The following RBFOX3 variants were observed in gnomAD, a reference collection of about 807,000 sequenced individuals.
RBFOX3 encodes the protein RNA binding fox-1 homolog 3.
Under a neutral mutation model 48.7 loss-of-function variants are expected in RBFOX3, and 17 were observed. The ratio of observed to expected loss-of-function variants is 0.35; its 90% CI spans 0.24 to 0.52. The LOEUF is 0.52. RBFOX3 is among the 20% of genes least tolerant of loss of function. RBFOX3 has a pLI of 0.94. For synonymous variants in RBFOX3, 212 were observed against 209.5 expected (o/e 1.01, Z -0.10); for missense variants, 382 against 497.5 (o/e 0.77, Z 2.21).
At chr17:79,508,483 C>T (rs1366506183) in intron 1 of RBFOX3, among the ~76,000 whole-genome samples, 1 of 152,242 alleles carries the variant, frequency 6.6e-6, no homozygotes, top group Non-Finnish European at 1.5e-5. Context: ...TGTTATTCTT[C>T]TCAGTGCCTC....
At chr17:79,275,006 C>T (rs1351825153) in intron 3 of RBFOX3, among the ~76,000 whole-genome samples, 1 of 148,398 alleles carries the variant, frequency 6.7e-6, no homozygotes, top group African/African-American at 2.5e-5. Context: ...CCATCATCCA[C>T]CAGCCCCAGA....
At position 79,421,776 on chromosome 17, in the gene RBFOX3, T is replaced by C. The variant is rs1598620187; in HGVS notation, c.-175+60678A>G. On this transcript the variant is annotated intron_variant, in intron 2 of 14. Coordinates refer to ENST00000693108, the MANE Select transcript of RBFOX3 (RefSeq NM_001350451.2). This position sits in a 1 kb window ranked among gnomAD's most constrained non-coding sequence, Gnocchi z 4.5. ...GCTCTCTCCTCCTGTGGTGGGGAGGTCTCCTTGAGGCCTTGGGACAAGGGC... is the reference window on the plus strand; with the variant it reads ...GCTCTCTCCTCCTGTGGTGGGGAGGCCTCCTTGAGGCCTTGGGACAAGGGC... 6.7e-6 allele frequency among the ~76,000 whole-genome samples: 1 copy of C among 149,808 alleles called. No homozygotes were observed. The highest frequency in any genetic ancestry group is 1.5e-5 in the Non-Finnish European group (1 of 67,466).
chr17:79,239,322 C>T (rs746756529), intron 3 of RBFOX3, among the ~76,000 whole-genome samples: 6 of 152,140 alleles, frequency 3.9e-5, no homozygotes, highest in Non-Finnish European at 5.9e-5. Flanking sequence ...TCATGAAACA[C>T]GGAGCTGATT....
intron 4 of RBFOX3, among the ~76,000 whole-genome samples, chr17:79,203,088 C>T: frequency 6.6e-6 from 1 of 151,842 alleles, no homozygotes. Context: ...TTGGGGGCTC[C>T]CAAGCTAAGG....
chr17:79,344,609 C>T lies in RBFOX3; in HGVS notation c.-174-36785G>A, dbSNP rs150062839. 1.8e-3 allele frequency among the ~76,000 whole-genome samples: 271 copies of T among 152,088 alleles called. 2 individuals are homozygous for T. The highest frequency in any genetic ancestry group is 6.8e-3 in the Middle Eastern group (2 of 294). ...TCACTCCATTGCCCAGGCTGGAGTG[C>T]GGTGGCACAATCTTGGCTCACTGCA... On this transcript the variant is annotated intron_variant, in intron 2 of 14. Coordinates refer to ENST00000693108, the MANE Select transcript of RBFOX3 (RefSeq NM_001350451.2).
chr17:79,444,238 G>A (rs896515321), intron 2 of RBFOX3, among the ~76,000 whole-genome samples: 1 of 152,166 alleles, frequency 6.6e-6, no homozygotes, highest in Non-Finnish European at 1.5e-5. Flanking sequence ...TCAGGGGTCA[G>A]CCAACTTCTG....
At chr17:79,144,387 G>A (rs1360275052) in intron 4 of RBFOX3, among the ~76,000 whole-genome samples, 1 of 152,168 alleles carries the variant, frequency 6.6e-6, no homozygotes, top group Non-Finnish European at 1.5e-5. Flanking sequence ...TACCACAGAG[G>A]CGTCACATGA....
chr17:79,216,040 G>C (rs538549497), intron 4 of RBFOX3, among the ~76,000 whole-genome samples: 1 of 152,384 alleles, frequency 6.6e-6, no homozygotes, highest in African/African-American at 2.4e-5. Flanking sequence ...TCCAGCACTT[G>C]TCCCCTGCCC....
chr17:79,286,678 C>T (rs375100570), intron 3 of RBFOX3, among the ~76,000 whole-genome samples: 13 of 152,276 alleles, frequency 8.5e-5, no homozygotes, highest in Non-Finnish European at 1.3e-4. Context: ...GGGCTGATTC[C>T]GTGACTTTCT....
At chr17:79,160,080 G>C (rs565003824) in intron 4 of RBFOX3, among the ~76,000 whole-genome samples, 1 of 152,362 alleles carries the variant, frequency 6.6e-6, no homozygotes, top group East Asian at 1.9e-4. Flanking sequence ...GGAACGCTCC[G>C]CTCGAGTAGT....
chr17:79,653,889 A>G, the RBFOX3 span, among the ~76,000 whole-genome samples: 1 of 148,938 alleles, frequency 6.7e-6, no homozygotes, highest in Non-Finnish European at 1.5e-5. Context: ...CCACCAAAAA[A>G]AAAAAAAAAA....
chr17:79,260,804 C>T (rs1372635546), intron 3 of RBFOX3, among the ~76,000 whole-genome samples: 1 of 152,188 alleles, frequency 6.6e-6, no homozygotes, highest in Non-Finnish European at 1.5e-5. Flanking sequence ...TTTCAGTCCA[C>T]ATCACAGAGC....
At chr17:79,434,805 G>A (rs1231571047) in intron 2 of RBFOX3, among the ~76,000 whole-genome samples, 2 of 152,120 alleles carry the variant, frequency 1.3e-5, no homozygotes, top group Non-Finnish European at 2.9e-5. Context: ...TCATTAATGG[G>A]GAGAGAACTT....
rs2093027319 is a variant in RBFOX3 at position 79,580,613 on chromosome 17, G to A, written c.-320+30213C>T. On this transcript the variant is annotated intron_variant, in intron 1 of 14. Coordinates refer to ENST00000693108, the MANE Select transcript of RBFOX3 (RefSeq NM_001350451.2). ...GGTTCCGCTGCAGTAACAAACAGCTGCCAAGTCGCAGACACTCTTTAGAGC... is the reference window on the plus strand; with the variant it reads ...GGTTCCGCTGCAGTAACAAACAGCTACCAAGTCGCAGACACTCTTTAGAGC... Among the ~76,000 whole-genome samples the A allele has an allele frequency of 2.0e-5, 3 of 152,188 alleles. No individual in the cohort carries two copies. The South Asian group carries it at 6.2e-4, about 32-fold the overall frequency.
At chr17:79,637,762 G>A in the RBFOX3 span, among the ~76,000 whole-genome samples, 2 of 60,310 alleles carry the variant, frequency 3.3e-5, no homozygotes, top group East Asian at 4.9e-4. Flanking sequence ...GGAGAGGAGG[G>A]GAGGGGAAGG....
intron 4 of RBFOX3, among the ~76,000 whole-genome samples, chr17:79,164,432 AG>A (rs1322207379): frequency 6.6e-6 from 1 of 152,134 alleles, no homozygotes; most frequent in Admixed American, 6.5e-5. Flanking sequence ...GCTTGGGTGC[AG>A]GACAGGGGCT....
At chr17:79,134,063 G>A (rs1342888114) in intron 4 of RBFOX3, among the ~76,000 whole-genome samples, 2 of 152,222 alleles carry the variant, frequency 1.3e-5, no homozygotes, top group African/African-American at 2.4e-5. Flanking sequence ...GTGGGCAGGA[G>A]GGGGTGGAGA....
chr17:79,123,066 G>A lies in RBFOX3; in HGVS notation c.-33-7318C>T, dbSNP rs184224745. Among the ~76,000 whole-genome samples, 658 of 152,226 alleles carry A rather than the reference G, an allele frequency of 4.3e-3. 3 individuals are homozygous for A. The highest frequency in any genetic ancestry group is 0.01 in the Middle Eastern group (3 of 294). Reference sequence around the variant, plus strand: ...GATGACCAGAGGCTGGAAAGACGAGGGGGGTGTGGGCTGGGGGAAGGTGGG... The same window carrying A: ...GATGACCAGAGGCTGGAAAGACGAGAGGGGTGTGGGCTGGGGGAAGGTGGG... On this transcript the variant is annotated intron_variant, in intron 4 of 14. Transcript: ENST00000693108.
Position 79,473,527 on chromosome 17 carries a change from C to T in RBFOX3, c.-175+8927G>A, listed in dbSNP as rs2077306658. Reference sequence around the variant, plus strand: ...TACTGTTCTGGACACTCCAGGCACACAGATGCCTCCCACAAGAAGTTGTGT... The same window carrying T: ...TACTGTTCTGGACACTCCAGGCACATAGATGCCTCCCACAAGAAGTTGTGT... On this transcript the variant is annotated intron_variant, in intron 2 of 14. Coordinates refer to ENST00000693108, the MANE Select transcript of RBFOX3 (RefSeq NM_001350451.2). The surrounding 1 kb of genome is among the most constrained non-coding windows in gnomAD (Gnocchi z 4.2). Among the ~76,000 whole-genome samples, 3 of 152,244 alleles carry T rather than the reference C, an allele frequency of 2.0e-5. No homozygotes were observed. Among genetic ancestry groups the T allele is most frequent in the South Asian group, 4.1e-4 (2 of 4,830 alleles).
Sources: allele counts gnomAD v4.1 joint callset (sites outside exome capture counted in the v4.1 genomes callset), GRCh38; gene constraint gnomAD v4.1.1; non-coding constraint Gnocchi (gnomAD v3.1); transcripts MANE v1.5; gene names NCBI Gene and HGNC (gene_info 2026-07-23, HGNC 2026-07-21).